The following GABBR2 variants were observed in gnomAD, a reference collection of about 807,000 sequenced individuals.
The protein encoded by GABBR2 is gamma-aminobutyric acid type B receptor subunit 2, also known as G-protein coupled receptor 51.
GABBR2 carries 23 observed loss-of-function variants against 105.6 expected under a neutral mutation model. The ratio of observed to expected loss-of-function variants is 0.22; its 90% CI spans 0.16 to 0.31. The LOEUF (loss-of-function observed/expected upper bound fraction) is 0.31. GABBR2 is among the 10% of genes least tolerant of loss of function. The probability of loss-of-function intolerance (pLI) is 1.00; values close to 1 mark genes in which losing one functional copy is unlikely to be tolerated. For synonymous variants in GABBR2, 478 were observed against 499.7 expected (o/e 0.96, Z 0.58); for missense variants, 734 against 1,245.5 (o/e 0.59, Z 6.18).
At chr9:98,422,404 G>A (rs1314258287) in intron 7 of GABBR2, among the ~76,000 whole-genome samples, 2 of 152,112 alleles carry the variant, frequency 1.3e-5, no homozygotes, top group Non-Finnish European at 2.9e-5. Context: ...GTCGAATTAA[G>A]TGTCCATATA....
In GABBR2 at chr9:98,290,419, C is replaced by T. The variant is rs1191060271; in HGVS notation, c.*165G>A. On this transcript the variant is annotated 3_prime_UTR_variant, in exon 19 of 19. Transcript: ENST00000259455. Reference sequence around the variant, plus strand: ...AGGCTCGAGGTCAGGTGCCAAGTCTCCCCCTGCCCCGTCCTGTCCACCTGA... The same window carrying T: ...AGGCTCGAGGTCAGGTGCCAAGTCTTCCCCTGCCCCGTCCTGTCCACCTGA... 5 of 412,018 alleles carry T rather than the reference C, an allele frequency of 1.2e-5. No individual in the cohort carries two copies. 25.5% of individuals were successfully genotyped at this position (412,018 alleles called of 1,614,324 possible). A position where few individuals can be genotyped will look rare whatever the true frequency, so the allele number is the denominator to read the frequency against.
intron 3 of GABBR2, among the ~76,000 whole-genome samples, chr9:98,513,649 T>C (rs1827699447): frequency 1.3e-5 from 2 of 151,544 alleles, no homozygotes; most frequent in East Asian, 1.9e-4. Context: ...AAAAAACACA[T>C]GAAAAAATGC....
intron 1 of GABBR2, among the ~76,000 whole-genome samples, chr9:98,625,744 GT>G (rs1349885144): frequency 6.6e-6 from 1 of 152,138 alleles, no homozygotes; most frequent in Non-Finnish European, 1.5e-5. Context: ...ATATTCTCCT[GT>G]CCCCACAGGC....
At chr9:98,468,014 G>A (rs2131623461) in intron 6 of GABBR2, among the ~76,000 whole-genome samples, 1 of 152,372 alleles carries the variant, frequency 6.6e-6, no homozygotes, top group South Asian at 2.1e-4. Context: ...GTAGAACAGT[G>A]ATGGGGAGCC....
At chr9:98,397,818 A>G (rs1223417164) in intron 8 of GABBR2, among the ~76,000 whole-genome samples, 1 of 152,126 alleles carries the variant, frequency 6.6e-6, no homozygotes, top group Non-Finnish European at 1.5e-5. Context: ...CGTAGAAGCC[A>G]TGTCCTGTGT....
chr9:98,690,205 C>A (rs1830667575), intron 1 of GABBR2, among the ~76,000 whole-genome samples: 1 of 152,090 alleles, frequency 6.6e-6, no homozygotes, highest in Non-Finnish European at 1.5e-5. Flanking sequence ...AGCATAAAAT[C>A]ACCCTGAGAG....
chr9:98,476,565 G>T (rs1001018948), intron 5 of GABBR2, among the ~76,000 whole-genome samples: 1 of 152,174 alleles, frequency 6.6e-6, no homozygotes, highest in African/African-American at 2.4e-5. Flanking sequence ...TATCATGCAT[G>T]GCAAACACTA....
intron 8 of GABBR2, among the ~76,000 whole-genome samples, chr9:98,403,358 TG>T (rs1159943320): frequency 5.9e-4 from 88 of 149,278 alleles, no homozygotes; most frequent in African/African-American, 2.1e-3. Context: ...AAGGCCCAGC[TG>T]TGACCCTCAA....
chr9:98,440,302 G>A (rs1382668812), intron 7 of GABBR2, among the ~76,000 whole-genome samples: 1 of 152,162 alleles, frequency 6.6e-6, no homozygotes, highest in African/African-American at 2.4e-5. Context: ...TATTTACAAG[G>A]AGCTTGATCT....
At chr9:98,379,311 C>T (rs1831931147) in intron 11 of GABBR2, among the ~76,000 whole-genome samples, 1 of 152,172 alleles carries the variant, frequency 6.6e-6, no homozygotes, top group Non-Finnish European at 1.5e-5. Flanking sequence ...CTCTGTCACC[C>T]AGGCTAGAGT....
chr9:98,587,215 C>T (rs1392301815), intron 1 of GABBR2, among the ~76,000 whole-genome samples: 1 of 152,122 alleles, frequency 6.6e-6, no homozygotes. Context: ...TAACTTTGCC[C>T]ATTTTTCTAC....
At chr9:98,606,236 G>A (rs1176853388) in intron 1 of GABBR2, among the ~76,000 whole-genome samples, 4 of 152,126 alleles carry the variant, frequency 2.6e-5, no homozygotes, top group Non-Finnish European at 4.4e-5. Flanking sequence ...GTAAACATAC[G>A]TGTGCGTGTG....
intron 3 of GABBR2, among the ~76,000 whole-genome samples, chr9:98,540,339 C>G (rs1245130429): frequency 6.6e-6 from 1 of 152,200 alleles, no homozygotes; most frequent in Non-Finnish European, 1.5e-5. Context: ...ATCCATTACT[C>G]ATTGGATTTT....
intron 13 of GABBR2, among the ~76,000 whole-genome samples, chr9:98,354,849 G>T (rs76293056): frequency 0.028 from 4,306 of 152,212 alleles, 195 homozygotes; most frequent in African/African-American, 0.099. Flanking sequence ...TTCCCTTCAA[G>T]AATTTTTCCT....
intron 1 of GABBR2, among the ~76,000 whole-genome samples, chr9:98,689,592 CAAG>C (rs1258261248): frequency 6.6e-6 from 1 of 152,164 alleles, no homozygotes; most frequent in Non-Finnish European, 1.5e-5. Flanking sequence ...CAGCTCCAAA[CAAG>C]AGGAGCTGGA....
chr9:98,526,567 C>T (rs1482392096), intron 3 of GABBR2, among the ~76,000 whole-genome samples: 2 of 152,208 alleles, frequency 1.3e-5, no homozygotes, highest in African/African-American at 2.4e-5. Flanking sequence ...TATCATCTGA[C>T]ATATTTTAAA....
At chr9:98,494,649 C>T (rs918347907) in intron 4 of GABBR2, among the ~76,000 whole-genome samples, 5 of 152,102 alleles carry the variant, frequency 3.3e-5, no homozygotes, top group African/African-American at 1.2e-4. Context: ...AACAGGGATA[C>T]AAAAATTCCC....
rs1554687230 is a variant in GABBR2 at position 98,290,261 on chromosome 9, G to GC, written c.*322_*323insG. Reference sequence around the variant, plus strand: ...GTTCTAGTGCCTCTCTCCTTGTCTAGTTTTTTTGTTTTTTTTTTTTTTTTT... The same window carrying GC: ...GTTCTAGTGCCTCTCTCCTTGTCTAGCTTTTTTTGTTTTTTTTTTTTTTTTT... On this transcript the variant is annotated 3_prime_UTR_variant, in exon 19 of 19. Coordinates refer to ENST00000259455, the MANE Select transcript of GABBR2 (RefSeq NM_005458.8). 1 of 122,366 alleles carries GC rather than the reference G, an allele frequency of 8.2e-6. No individual in the cohort carries two copies. Among genetic ancestry groups the GC allele is most frequent in the African/African-American group, 2.9e-5 (1 of 35,070 alleles). The allele number at this position is 122,366 out of a possible 1,614,324, so 7.6% of individuals were successfully genotyped here.
At chr9:98,344,168 G>T (rs1238356087) in intron 13 of GABBR2, among the ~76,000 whole-genome samples, 1 of 151,964 alleles carries the variant, frequency 6.6e-6, no homozygotes, top group Non-Finnish European at 1.5e-5. Flanking sequence ...CGCTCTGACT[G>T]CTCTTGGTGC....
Sources: allele counts gnomAD v4.1 joint callset (sites outside exome capture counted in the v4.1 genomes callset), GRCh38; gene constraint gnomAD v4.1.1; transcripts MANE v1.5; gene names NCBI Gene and HGNC (gene_info 2026-07-23, HGNC 2026-07-21).